Variants in ROBO2 observed in about 807,000 individuals in gnomAD.
The protein encoded by ROBO2 is roundabout homolog 2.
A neutral mutation model predicts 160.8 loss-of-function variants in ROBO2; 53 were observed. That is an observed-to-expected ratio of 0.33 (90% CI 0.26 to 0.41). The LOEUF (loss-of-function observed/expected upper bound fraction) is 0.41, where lower values mean the gene tolerates loss of function less well. ROBO2 is among the 10% of genes least tolerant of loss of function. The pLI is 1.00. For missense variants in ROBO2, 1,577 were observed against 1,722.4 expected (o/e 0.92, Z 1.49); for synonymous variants, 664 against 611.7 (o/e 1.09, Z -1.26).
intron 2 of ROBO2, among the ~76,000 whole-genome samples, chr3:77,330,766 A>G (rs1208047100): frequency 1.3e-5 from 2 of 152,226 alleles, no homozygotes; most frequent in South Asian, 2.1e-4. Context: ...ATCTGACCAC[A>G]TTATATGCAC....
chr3:77,367,862 A>G (rs1336227049), intron 2 of ROBO2, among the ~76,000 whole-genome samples: 1 of 152,198 alleles, frequency 6.6e-6, no homozygotes, highest in Non-Finnish European at 1.5e-5. Context: ...ATATTTGACT[A>G]GAGAGCTTCA....
chr3:76,634,423 C>A (rs1345629309), intron 2 of ROBO2, among the ~76,000 whole-genome samples: 1 of 152,106 alleles, frequency 6.6e-6, no homozygotes, highest in African/African-American at 2.4e-5. Flanking sequence ...CAAAAATTAG[C>A]CAGGTGTGGT....
intron 1 of ROBO2, among the ~76,000 whole-genome samples, chr3:77,083,029 T>C (rs2068844991): frequency 6.6e-6 from 1 of 152,142 alleles, no homozygotes; most frequent in African/African-American, 2.4e-5. Flanking sequence ...GCAGTTTAGA[T>C]ACATATGTCA....
intron 2 of ROBO2, among the ~76,000 whole-genome samples, chr3:76,717,023 G>T (rs2093390643): frequency 6.6e-6 from 1 of 152,134 alleles, no homozygotes; most frequent in African/African-American, 2.4e-5. Context: ...TTAGAAAGTG[G>T]GTTTGAAGCC....
intron 2 of ROBO2, among the ~76,000 whole-genome samples, chr3:76,355,646 C>A (rs1177021079): frequency 6.6e-6 from 1 of 151,692 alleles, no homozygotes; most frequent in African/African-American, 2.4e-5. Context: ...CTGACAACAC[C>A]TGCATAGCAA....
At chr3:76,851,991 C>T (rs2148544727) in intron 2 of ROBO2, among the ~76,000 whole-genome samples, 1 of 152,014 alleles carries the variant, frequency 6.6e-6, no homozygotes, top group East Asian at 2.0e-4. Context: ...AGAAAAACTA[C>T]AGAGTAAAAG....
chr3:77,500,119 T>C (rs2087369678), intron 5 of ROBO2, among the ~76,000 whole-genome samples: 1 of 152,180 alleles, frequency 6.6e-6, no homozygotes, highest in South Asian at 2.1e-4. Flanking sequence ...CATACTGTTT[T>C]GTTTGTCTGT....
chr3:77,477,808 C>G (rs1003817417), intron 3 of ROBO2, among the ~76,000 whole-genome samples: 2 of 147,494 alleles, frequency 1.4e-5, no homozygotes, highest in Non-Finnish European at 3.0e-5. Flanking sequence ...TATCTTTACA[C>G]TGCAATATTG....
chr3:77,531,202 A>G (rs1281212824), intron 6 of ROBO2, among the ~76,000 whole-genome samples: 4 of 152,052 alleles, frequency 2.6e-5, no homozygotes, highest in African/African-American at 9.7e-5. Context: ...CAAACTGACA[A>G]TTCACAACTT....
intron 2 of ROBO2, among the ~76,000 whole-genome samples, chr3:76,956,654 A>G (rs1470422179): frequency 1.3e-5 from 2 of 151,948 alleles, no homozygotes; most frequent in African/African-American, 4.8e-5. Flanking sequence ...GTGGGATTAT[A>G]GTTAGAAGGA....
At chr3:75,911,875 A>G (rs1393318910) in intron 1 of ROBO2, among the ~76,000 whole-genome samples, 4 of 152,060 alleles carry the variant, frequency 2.6e-5, no homozygotes, top group Non-Finnish European at 5.9e-5. Flanking sequence ...TTTCTTATCT[A>G]CAAGCTGGGA....
chr3:76,287,396 A>G (rs925014875), intron 2 of ROBO2, among the ~76,000 whole-genome samples: 1 of 151,848 alleles, frequency 6.6e-6, no homozygotes, highest in African/African-American at 2.4e-5. Flanking sequence ...CCTGGGTTCA[A>G]GCAATTCTCC....
At chr3:76,045,306 T>G (rs1367294620) in intron 2 of ROBO2, among the ~76,000 whole-genome samples, 1 of 151,970 alleles carries the variant, frequency 6.6e-6, no homozygotes, top group Non-Finnish European at 1.5e-5. Context: ...ACATAGAATC[T>G]TATTTATTTT....
intron 6 of ROBO2, among the ~76,000 whole-genome samples, chr3:77,538,442 G>T (rs1225881751): frequency 6.6e-6 from 1 of 152,036 alleles, no homozygotes; most frequent in African/African-American, 2.4e-5. Flanking sequence ...CTCCCAAAGT[G>T]CTGGGATTAC....
intron 2 of ROBO2, among the ~76,000 whole-genome samples, chr3:77,437,555 T>A (rs2079425628): frequency 6.6e-6 from 1 of 151,986 alleles, no homozygotes; most frequent in African/African-American, 2.4e-5. Flanking sequence ...AATTTTAGTT[T>A]ATTTTTCTTA....
At chr3:76,008,062 C>A (rs1200592510) in intron 2 of ROBO2, among the ~76,000 whole-genome samples, 1 of 151,472 alleles carries the variant, frequency 6.6e-6, no homozygotes, top group Non-Finnish European at 1.5e-5. Flanking sequence ...GGTGAAACCC[C>A]AACTCTACTA....
At chr3:76,173,841 C>T (rs940957993) in intron 2 of ROBO2, among the ~76,000 whole-genome samples, 1 of 151,958 alleles carries the variant, frequency 6.6e-6, no homozygotes, top group Admixed American at 6.6e-5. Flanking sequence ...CATGCGTTGT[C>T]TTAGTAGAAT....
rs994195135 is a variant in ROBO2 at position 76,488,942 on chromosome 3, C to T, written c.109+551340C>T. Among the ~76,000 whole-genome samples, 3 of 151,606 alleles carry T rather than the reference C, an allele frequency of 2.0e-5. No homozygotes were observed. The East Asian group carries it at 5.8e-4, about 29-fold the overall frequency. ...TGTGCAGTTCTTACTTTTCTTCTTC[C>T]TCTTTTTGGTGAGAGGGCAAAATCT... On this transcript the variant is annotated intron_variant, in intron 2 of 26. Transcript: ENST00000487694.
chr3:76,624,605 C>G (rs1257277464), intron 2 of ROBO2, among the ~76,000 whole-genome samples: 3 of 151,532 alleles, frequency 2.0e-5, no homozygotes, highest in African/African-American at 7.3e-5. Flanking sequence ...TTGCCACCAG[C>G]CTGGCCAACG....
Sources: allele counts gnomAD v4.1 joint callset (sites outside exome capture counted in the v4.1 genomes callset), GRCh38; gene constraint gnomAD v4.1.1; transcripts MANE v1.5; gene names NCBI Gene and HGNC (gene_info 2026-07-23, HGNC 2026-07-21).